Variants in CLIC5 observed in about 807,000 individuals in gnomAD.
CLIC5 encodes chloride intracellular channel protein 5.
Under a neutral mutation model 24.7 loss-of-function variants are expected in CLIC5, and 20 were observed. That is an observed-to-expected ratio of 0.81 (90% CI 0.57 to 1.18). CLIC5 has a LOEUF of 1.18. Among genes scored for constraint, CLIC5 ranks in the 50% most tolerant of loss-of-function variants. CLIC5 has a pLI of 0.00. For missense variants in CLIC5, 341 were observed against 326.1 expected (o/e 1.05, Z -0.35); for synonymous variants, 159 against 135.6 (o/e 1.17, Z -1.20).
chr6:46,114,226 G>T, the CLIC5 span, among the ~76,000 whole-genome samples: 5 of 152,052 alleles, frequency 3.3e-5, no homozygotes, highest in Admixed American at 6.6e-5. Context: ...TCTTTGTCTA[G>T]TTTGTCCGCT....
intron 1 of CLIC5, among the ~76,000 whole-genome samples, chr6:46,061,030 G>C (rs1413585069): frequency 6.6e-6 from 1 of 152,160 alleles, no homozygotes; most frequent in Non-Finnish European, 1.5e-5. Context: ...TCAACCTGTT[G>C]ATTTGACATA....
intron 1 of CLIC5, among the ~76,000 whole-genome samples, chr6:45,992,426 A>T (rs192419078): frequency 1.4e-4 from 21 of 152,356 alleles, no homozygotes; most frequent in Admixed American, 5.9e-4. Context: ...ATTTTAAAAA[A>T]ATATTTTAAT....
At chr6:46,085,169 A>C (rs559107061), upstream of CLIC5, among the ~76,000 whole-genome samples, 125 of 152,280 alleles carry the variant, frequency 8.2e-4, no homozygotes, top group Admixed American at 2.1e-3. Context: ...CTAGTTATAC[A>C]TTCTTCTAAA....
Position 45,902,485 on chromosome 6 carries a change from T to A in CLIC5, c.*603A>T, listed in dbSNP as rs1348245010. 6.5e-6 allele frequency: 1 copy of A among 153,478 alleles called. No individual in the cohort carries two copies. The highest frequency in any genetic ancestry group is 6.4e-5 in the Admixed American group (1 of 15,530). 9.5% of individuals were successfully genotyped at this position (153,478 alleles called of 1,614,324 possible). On this transcript the variant is annotated 3_prime_UTR_variant, in exon 6 of 6. Transcript: ENST00000339561. ...CAGCATTCCTGGCACTGCAACAAAC[T>A]GAGAATGTGTCTCAAGTGACTTTCC...
At chr6:46,103,036 G>T in the CLIC5 span, among the ~76,000 whole-genome samples, 48 of 151,960 alleles carry the variant, frequency 3.2e-4, no homozygotes, top group South Asian at 9.2e-3. Flanking sequence ...TTATCTCATT[G>T]GATCATATCA....
At position 45,955,235 on chromosome 6, in the gene CLIC5, C is replaced by G; in HGVS notation, c.73G>C (p.Asp25His). 1 of 1,613,298 alleles carries G rather than the reference C, an allele frequency of 6.2e-7. No individual in the cohort carries two copies. The highest frequency in any genetic ancestry group is 1.1e-5 in the South Asian group (1 of 91,022). Residue 25 changes from aspartate to histidine, a missense_variant, in exon 2 of 6, where the codon GAT becomes CAT. By Grantham distance (81) the Asp-to-His change is moderately conservative (BLOSUM62 -1). Coordinates refer to ENST00000339561, the MANE Select transcript of CLIC5 (RefSeq NM_016929.5). ...EIELFVKAGI[D>H]GESIGNCPFS... ...GGACAGTTGCCGATGCTTTCTCCAT[C>G]GATTCCAGCCTGGAAAGAAGAGAAC...
intron 1 of CLIC5, among the ~76,000 whole-genome samples, chr6:46,031,711 G>A (rs2127455939): frequency 6.6e-6 from 1 of 151,202 alleles, no homozygotes; most frequent in African/African-American, 2.4e-5. Flanking sequence ...AGATCAATGG[G>A]GTACATTTTG....
chr6:45,958,422 TTA>T (rs35922936), intron 1 of CLIC5, among the ~76,000 whole-genome samples: 167 of 8,338 alleles, frequency 0.02, no homozygotes, highest in Middle Eastern at 0.05. Context: ...AAAAAGACAA[TTA>T]TATATATATA....
chr6:45,945,326 G>A (rs1764255257), intron 3 of CLIC5, among the ~76,000 whole-genome samples: 2 of 152,192 alleles, frequency 1.3e-5, no homozygotes, highest in Non-Finnish European at 2.9e-5. Flanking sequence ...CTGTAGCGGA[G>A]AATATGCATA....
At chr6:45,989,777 G>C (rs1765866633) in intron 1 of CLIC5, among the ~76,000 whole-genome samples, 1 of 152,170 alleles carries the variant, frequency 6.6e-6, no homozygotes, top group African/African-American at 2.4e-5. Flanking sequence ...CTGCCCTTTA[G>C]AATAGGAGGC....
chr6:46,080,166 T>G, exon 1 of CLIC5: 1 of 1,551,704 alleles, frequency 6.4e-7, no homozygotes, highest in East Asian at 2.4e-5. Context: ...TTCATTTTCT[T>G]CTGGCTGGTC....
chr6:46,115,975 T>C, the CLIC5 span, among the ~76,000 whole-genome samples: 1 of 152,258 alleles, frequency 6.6e-6, no homozygotes, highest in Non-Finnish European at 1.5e-5. Flanking sequence ...ATTTTGGATA[T>C]AATTATAAAA....
chr6:45,982,819 C>T (rs1239946370), intron 1 of CLIC5, among the ~76,000 whole-genome samples: 1 of 152,146 alleles, frequency 6.6e-6, no homozygotes, highest in African/African-American at 2.4e-5. Flanking sequence ...TAATAAGGGA[C>T]ATTTAAGAAG....
rs147697225 is a variant in CLIC5, at chr6:45,995,922, T to A, written c.63+19558A>T. ...GTGGGAGCTGAATAATGAGAACACA[T>A]GGACACAGGAAGTGGAACAACACAC... On this transcript the variant is annotated intron_variant, in intron 1 of 5. Transcript: ENST00000339561. 5.0e-3 allele frequency among the ~76,000 whole-genome samples: 762 copies of A among 151,902 alleles called. 3 individuals are homozygous for A. Among genetic ancestry groups the A allele is most frequent in the Middle Eastern group, 0.017 (5 of 294 alleles).
chr6:45,953,366 G>T (rs756966725), intron 2 of CLIC5, among the ~76,000 whole-genome samples: 1 of 152,158 alleles, frequency 6.6e-6, no homozygotes, highest in East Asian at 1.9e-4. Flanking sequence ...CTGGAGGGAG[G>T]TTGGGTTGAC....
At chr6:46,041,323 C>T (rs1450507761) in intron 1 of CLIC5, among the ~76,000 whole-genome samples, 1 of 152,178 alleles carries the variant, frequency 6.6e-6, no homozygotes, top group East Asian at 1.9e-4. Flanking sequence ...GAAAAACCAA[C>T]ACCATTACTA....
intron 4 of CLIC5, among the ~76,000 whole-genome samples, chr6:45,921,271 G>A (rs1471298211): frequency 6.6e-6 from 1 of 152,156 alleles, no homozygotes; most frequent in Non-Finnish European, 1.5e-5. Flanking sequence ...AGATGGGAAG[G>A]GGACTTTCTA....
intron 1 of CLIC5, among the ~76,000 whole-genome samples, chr6:46,076,032 A>G (rs1762757789): frequency 6.6e-6 from 1 of 152,188 alleles, no homozygotes; most frequent in African/African-American, 2.4e-5. Context: ...AGTTGCCTCT[A>G]AACTGTTTTT....
chr6:46,106,338 C>T, the CLIC5 span, among the ~76,000 whole-genome samples: 2 of 152,146 alleles, frequency 1.3e-5, no homozygotes, highest in African/African-American at 2.4e-5. Flanking sequence ...AATCTCTTGA[C>T]CTTGTGATCC....
Sources: allele counts gnomAD v4.1 joint callset (sites outside exome capture counted in the v4.1 genomes callset), GRCh38; gene constraint gnomAD v4.1.1; transcripts MANE v1.5; gene names NCBI Gene and HGNC (gene_info 2026-07-23, HGNC 2026-07-21).